The following OSBPL6 variants were observed in gnomAD, a reference collection of about 807,000 sequenced individuals.
The protein encoded by OSBPL6 is oxysterol binding protein like 6, also known as oxysterol-binding protein-related protein 6.
In OSBPL6, 49 loss-of-function variants were observed where a neutral mutation model predicts 125.8. That is an observed-to-expected ratio of 0.39 (90% CI 0.31 to 0.49). OSBPL6 has a LOEUF of 0.49. Among genes scored for constraint, OSBPL6 ranks in the 20% least tolerant of loss-of-function variants. OSBPL6 has a pLI of 0.88. For synonymous variants in OSBPL6, 394 were observed against 391.8 expected, an observed-to-expected ratio of 1.01 and a Z score of -0.07; for missense variants, 986 against 1,135.4, an observed-to-expected ratio of 0.87 and a Z score of 1.89.
intron 1 of OSBPL6, among the ~76,000 whole-genome samples, chr2:178,232,383 C>G (rs79379662): frequency 6.6e-6 from 1 of 152,030 alleles, no homozygotes; most frequent in African/African-American, 2.4e-5. Context: ...CATAGGGCAC[C>G]AAGGTTAAAG....
At chr2:178,199,252 C>T (rs62177210) in intron 1 of OSBPL6, among the ~76,000 whole-genome samples, 12,703 of 152,096 alleles carry the variant, frequency 0.084, 624 homozygotes, top group African/African-American at 0.13. Context: ...CCAAAGGCAG[C>T]GTTTTAAATT....
At chr2:178,395,375 A>C in intron 24 of OSBPL6, 76 bp from the exon 25 acceptor site, 1 of 981,370 alleles carries the variant, frequency 1.0e-6, no homozygotes, top group East Asian at 2.4e-5. Flanking sequence ...GTCCATGTCT[A>C]ATCTATAGGA....
intron 20 of OSBPL6, among the ~76,000 whole-genome samples, chr2:178,387,423 TCTC>T (rs1695040832): frequency 6.6e-6 from 1 of 152,228 alleles, no homozygotes; most frequent in Admixed American, 6.5e-5. Flanking sequence ...TATAAAAGGT[TCTC>T]CTGTTTAGCC....
At chr2:178,298,750 T>C (rs1382189804) in intron 2 of OSBPL6, among the ~76,000 whole-genome samples, 2 of 150,856 alleles carry the variant, frequency 1.3e-5, no homozygotes, top group Non-Finnish European at 2.9e-5. Context: ...ACCTACATCA[T>C]TTTCTATTCC....
chr2:178,308,763 A>G (rs1304679831), intron 3 of OSBPL6, among the ~76,000 whole-genome samples: 1 of 151,450 alleles, frequency 6.6e-6, no homozygotes, highest in African/African-American at 2.4e-5. Context: ...CCTATTGATC[A>G]TTTCCTCCTT....
rs559436069 is a variant in OSBPL6 at position 178,246,444 on chromosome 2, T to C, written c.-350-38483T>C. 4.6e-5 allele frequency among the ~76,000 whole-genome samples: 7 copies of C among 152,288 alleles called. No individual in the cohort carries two copies. In the South Asian group the frequency reaches 1.2e-3, roughly 27 times the overall value. ...TTCCTCCACTCCTACTCCTTCAGCA[T>C]TGAAGTTGCTTTATGGCCTGGTGTG... On this transcript the variant is annotated intron_variant, in intron 1 of 24. Coordinates refer to ENST00000190611, the MANE Select transcript of OSBPL6 (RefSeq NM_032523.4).
intron 3 of OSBPL6, among the ~76,000 whole-genome samples, chr2:178,315,173 C>A (rs1687627065): frequency 6.6e-6 from 1 of 152,098 alleles, no homozygotes; most frequent in Non-Finnish European, 1.5e-5. Flanking sequence ...AAGTTTTGAT[C>A]ATCTTTTTGC....
chr2:178,261,083 G>A (rs1375381464), intron 1 of OSBPL6, among the ~76,000 whole-genome samples: 2 of 151,784 alleles, frequency 1.3e-5, no homozygotes, highest in African/African-American at 4.8e-5. Context: ...AGTGAGCCGA[G>A]ATCACACCAC....
intron 1 of OSBPL6, among the ~76,000 whole-genome samples, chr2:178,283,755 G>A (rs564983591): frequency 9.2e-5 from 14 of 152,302 alleles, no homozygotes; most frequent in Non-Finnish European, 1.9e-4. Context: ...AGGGCCTCAG[G>A]CTGCTTCCAT....
chr2:178,366,387 G>A (rs532365463), intron 13 of OSBPL6, among the ~76,000 whole-genome samples: 81 of 152,124 alleles, frequency 5.3e-4, no homozygotes, highest in Non-Finnish European at 1.0e-3. Context: ...TGTGTTAAAC[G>A]CAGTGAGAGT....
intron 1 of OSBPL6, among the ~76,000 whole-genome samples, chr2:178,226,034 G>A (rs2090547447): frequency 6.6e-6 from 1 of 152,200 alleles, no homozygotes; most frequent in Non-Finnish European, 1.5e-5. Flanking sequence ...GCAGCCCGGA[G>A]CTAGTAACAG....
chr2:178,214,186 G>GT (rs1238068691), intron 1 of OSBPL6, among the ~76,000 whole-genome samples: 1 of 152,114 alleles, frequency 6.6e-6, no homozygotes, highest in Non-Finnish European at 1.5e-5. Flanking sequence ...GACAGAAGCC[G>GT]TGGCATATGT....
At chr2:178,245,292 T>C (rs1166045108) in intron 1 of OSBPL6, among the ~76,000 whole-genome samples, 6 of 152,238 alleles carry the variant, frequency 3.9e-5, no homozygotes, top group Admixed American at 1.3e-4. Flanking sequence ...CTTATGGCAA[T>C]GATTGGCAAC....
chr2:178,371,117 A>G (rs576412723), intron 13 of OSBPL6, among the ~76,000 whole-genome samples: 1 of 152,368 alleles, frequency 6.6e-6, no homozygotes, highest in African/African-American at 2.4e-5. Context: ...AGGCACTGAC[A>G]TTTATATCTT....
chr2:178,355,018 A>G (rs1691641167), intron 12 of OSBPL6, among the ~76,000 whole-genome samples: 1 of 152,226 alleles, frequency 6.6e-6, no homozygotes, highest in Non-Finnish European at 1.5e-5. Context: ...GGCAGAAATA[A>G]AGATGTTCTT....
chr2:178,203,164 G>A (rs1224546717), intron 1 of OSBPL6, among the ~76,000 whole-genome samples: 2 of 152,078 alleles, frequency 1.3e-5, no homozygotes, highest in Non-Finnish European at 2.9e-5. Flanking sequence ...TTCTATTGCT[G>A]TGTCTTTACA....
At chr2:178,331,474 C>A in intron 5 of OSBPL6, 78 bp from the exon 6 acceptor site, 1 of 1,434,666 alleles carries the variant, frequency 7.0e-7, no homozygotes, top group Admixed American at 1.7e-5. Flanking sequence ...AAATGCCAAG[C>A]AACATTAGAC....
intron 1 of OSBPL6, among the ~76,000 whole-genome samples, chr2:178,267,231 G>C (rs1003602472): frequency 1.3e-5 from 2 of 151,696 alleles, no homozygotes; most frequent in Non-Finnish European, 2.9e-5. Flanking sequence ...GCTTGTGTGT[G>C]TAGTCCCAGC....
chr2:178,249,872 C>T (rs527979979), intron 1 of OSBPL6, among the ~76,000 whole-genome samples: 2 of 141,816 alleles, frequency 1.4e-5, no homozygotes, highest in South Asian at 4.6e-4. Flanking sequence ...ATACTCAAAT[C>T]CTGAACATTT....
Sources: gnomAD v4.1 joint callset for allele counts (sites outside exome capture counted in the v4.1 genomes callset) on GRCh38, gnomAD v4.1.1 for gene constraint, MANE v1.5 for transcripts, NCBI Gene and HGNC (gene_info 2026-07-23, HGNC 2026-07-21) for gene names.